The following PRR16 variants were observed in gnomAD, a reference collection of about 807,000 sequenced individuals.
PRR16 encodes the protein proline rich 16, also known as protein Largen.
In PRR16, 6 loss-of-function variants were observed where a neutral mutation model predicts 18.2. The observed-to-expected ratio is 0.33, with a 90% CI of 0.18 to 0.65. PRR16 has a LOEUF of 0.65. Among genes scored for constraint, PRR16 ranks in the 30% least tolerant of loss-of-function variants. The pLI is 0.74. For missense variants in PRR16, 412 were observed against 376.6 expected (o/e 1.09, Z -0.78); for synonymous variants, 151 against 147.8 (o/e 1.02, Z -0.16).
intron 1 of PRR16, among the ~76,000 whole-genome samples, chr5:120,579,709 CT>C (rs1260907757): frequency 6.6e-6 from 1 of 152,144 alleles, no homozygotes; most frequent in Non-Finnish European, 1.5e-5. Flanking sequence ...TTAGGATTGT[CT>C]TGGCTGTATG....
intron 1 of PRR16, among the ~76,000 whole-genome samples, chr5:120,685,663 A>G (rs778672250): frequency 6.6e-6 from 1 of 152,188 alleles, no homozygotes; most frequent in Non-Finnish European, 1.5e-5. Context: ...ATATTCCTGC[A>G]TCAGGTTTCA....
chr5:120,739,667 A>G, the PRR16 span, among the ~76,000 whole-genome samples: 1 of 152,168 alleles, frequency 6.6e-6, no homozygotes, highest in African/African-American at 2.4e-5. Flanking sequence ...CCACTCTCTA[A>G]GACTTTCAAA....
At chr5:120,604,473 C>T (rs979861135) in intron 1 of PRR16, among the ~76,000 whole-genome samples, 3 of 152,104 alleles carry the variant, frequency 2.0e-5, no homozygotes, top group African/African-American at 7.2e-5. Flanking sequence ...TTGAAGACAG[C>T]ATACAGTTGG....
At chr5:120,791,423 T>C in the PRR16 span, among the ~76,000 whole-genome samples, 1 of 152,014 alleles carries the variant, frequency 6.6e-6, no homozygotes, top group East Asian at 1.9e-4. Context: ...CAAGGGAACA[T>C]TGCTAGAAAA....
intron 1 of PRR16, among the ~76,000 whole-genome samples, chr5:120,668,640 C>G (rs1454727803): frequency 2.0e-5 from 3 of 152,002 alleles, no homozygotes; most frequent in South Asian, 2.1e-4. Flanking sequence ...GTTCTTTTAG[C>G]ACAGGCCTGG....
chr5:120,485,943 T>A (rs3991306), intron 1 of PRR16, among the ~76,000 whole-genome samples: 32,988 of 152,046 alleles, frequency 0.22, 3,731 homozygotes, highest in African/African-American at 0.26. Context: ...AATGATGGTT[T>A]CCAGCTTCAT....
intron 1 of PRR16, among the ~76,000 whole-genome samples, chr5:120,527,174 G>A (rs1751399586): frequency 6.6e-6 from 1 of 152,090 alleles, no homozygotes. Flanking sequence ...GTGTCTGAGA[G>A]GCAAAATCAC....
the PRR16 span, among the ~76,000 whole-genome samples, chr5:120,727,749 A>T: frequency 6.6e-6 from 1 of 152,098 alleles, no homozygotes; most frequent in Non-Finnish European, 1.5e-5. Context: ...GATATATTCT[A>T]ACATAGATAT....
intron 1 of PRR16, among the ~76,000 whole-genome samples, chr5:120,520,406 T>G (rs552500893): frequency 5.3e-5 from 8 of 151,950 alleles, no homozygotes; most frequent in South Asian, 4.2e-4. Flanking sequence ...AAAAGAAAAA[T>G]AAAAATAAAA....
the PRR16 span, among the ~76,000 whole-genome samples, chr5:120,696,009 A>G: frequency 6.6e-6 from 1 of 152,122 alleles, no homozygotes; most frequent in Non-Finnish European, 1.5e-5. Context: ...TTGGGAGGCC[A>G]AGGTGGGTGG....
intron 1 of PRR16, chr5:120,617,265 A>G: frequency 1.5e-6 from 1 of 667,792 alleles, no homozygotes; most frequent in Non-Finnish European, 1.9e-6. Context: ...AAACATGCAA[A>G]CCAATATATC....
At chr5:120,534,544 T>C (rs1751654184) in intron 1 of PRR16, among the ~76,000 whole-genome samples, 2 of 152,294 alleles carry the variant, frequency 1.3e-5, no homozygotes, top group South Asian at 2.1e-4. Context: ...AATGTATCTT[T>C]TTTGTATATA....
chr5:120,555,910 T>TAA (rs1260299753), intron 1 of PRR16, among the ~76,000 whole-genome samples: 1 of 151,618 alleles, frequency 6.6e-6, no homozygotes, highest in Non-Finnish European at 1.5e-5. Flanking sequence ...CATTGTCACC[T>TAA]TTATGTTTTC....
At chr5:120,550,052 AGAG>A (rs1752203978) in intron 1 of PRR16, among the ~76,000 whole-genome samples, 1 of 152,042 alleles carries the variant, frequency 6.6e-6, no homozygotes, top group Non-Finnish European at 1.5e-5. Context: ...CTGAATGACA[AGAG>A]GAGATTAGTA....
At chr5:120,730,212 T>C in the PRR16 span, among the ~76,000 whole-genome samples, 1 of 152,170 alleles carries the variant, frequency 6.6e-6, no homozygotes, top group Non-Finnish European at 1.5e-5. Flanking sequence ...GAAGATTTTA[T>C]ACTTTAGATA....
the PRR16 span, among the ~76,000 whole-genome samples, chr5:120,705,430 TTATC>T: frequency 6.6e-6 from 1 of 152,070 alleles, no homozygotes; most frequent in Non-Finnish European, 1.5e-5. Context: ...TTAAAAAAGT[TTATC>T]TGTTCATCTT....
the PRR16 span, among the ~76,000 whole-genome samples, chr5:120,751,542 A>AT: frequency 7.6e-4 from 114 of 150,670 alleles, no homozygotes; most frequent in African/African-American, 2.0e-3. Flanking sequence ...GATATTGGGC[A>AT]TTTTTTTTTA....
the PRR16 span, among the ~76,000 whole-genome samples, chr5:120,779,332 C>T: frequency 6.6e-6 from 1 of 152,110 alleles, no homozygotes; most frequent in East Asian, 1.9e-4. Flanking sequence ...AAACAGTTCA[C>T]AATCATTATC....
intron 1 of PRR16, among the ~76,000 whole-genome samples, chr5:120,584,547 T>C (rs1268743407): frequency 6.6e-6 from 1 of 152,250 alleles, no homozygotes; most frequent in Non-Finnish European, 1.5e-5. Flanking sequence ...TTAATTATAC[T>C]AAATTTATAT....
Sources: allele counts gnomAD v4.1 joint callset (sites outside exome capture counted in the v4.1 genomes callset), GRCh38; gene constraint gnomAD v4.1.1; transcripts MANE v1.5; gene names NCBI Gene and HGNC (gene_info 2026-07-23, HGNC 2026-07-21).